The following OPCML variants were observed in gnomAD, a reference collection of about 807,000 sequenced individuals.
The protein encoded by OPCML is opioid binding protein/cell adhesion molecule like.
A neutral mutation model predicts 37.8 loss-of-function variants in OPCML; 13 were observed. The observed-to-expected ratio is 0.34, with a 90% CI of 0.22 to 0.55. The LOEUF (loss-of-function observed/expected upper bound fraction) is 0.55. Among genes scored for constraint, OPCML ranks in the 20% least tolerant of loss-of-function variants. OPCML has a pLI of 0.91. For missense variants in OPCML, 341 were observed against 435.6 expected (o/e 0.78, Z 1.93); for synonymous variants, 176 against 168.8 (o/e 1.04, Z -0.33).
chr11:132,785,854 C>T, intron 2 of OPCML, among the ~76,000 whole-genome samples: 1 of 152,276 alleles, frequency 6.6e-6, no homozygotes, highest in East Asian at 1.9e-4. Context: ...TTCCAGATAT[C>T]CAGGTGACCA....
chr11:133,203,860 C>T (rs1285705031), intron 1 of OPCML, among the ~76,000 whole-genome samples: 1 of 151,880 alleles, frequency 6.6e-6, no homozygotes, highest in Non-Finnish European at 1.5e-5. Context: ...AGATGGAGAC[C>T]ATCCTGGCTA....
chr11:132,745,605 A>G (rs996063429), intron 2 of OPCML, among the ~76,000 whole-genome samples: 1 of 147,256 alleles, frequency 6.8e-6, no homozygotes, highest in Admixed American at 6.8e-5. Context: ...AGAAAGAAAG[A>G]AAAAAAAAGG....
At chr11:133,087,432 C>T (rs1948833542) in intron 1 of OPCML, among the ~76,000 whole-genome samples, 1 of 152,016 alleles carries the variant, frequency 6.6e-6, no homozygotes. Flanking sequence ...TCAGCCTTTG[C>T]CCTTCCCTCC....
At chr11:133,117,686 G>A (rs1204415686) in intron 1 of OPCML, 15 of 650,748 alleles carry the variant, frequency 2.3e-5, no homozygotes, top group Non-Finnish European at 2.9e-5. Context: ...AGAGTGACCA[G>A]TTTGGTAATC....
chr11:132,651,135 A>G (rs1941409150), intron 3 of OPCML, among the ~76,000 whole-genome samples: 1 of 152,098 alleles, frequency 6.6e-6, no homozygotes, highest in African/African-American at 2.4e-5. Context: ...TTTCTGGAGC[A>G]CCTCTGAAGG....
chr11:133,379,602 C>T (rs890901377), intron 1 of OPCML, among the ~76,000 whole-genome samples: 1 of 152,194 alleles, frequency 6.6e-6, no homozygotes, highest in Non-Finnish European at 1.5e-5. Flanking sequence ...CAGCTTCTGG[C>T]CTCTTTCACT....
intron 2 of OPCML, among the ~76,000 whole-genome samples, chr11:132,664,410 T>G (rs974306231): frequency 6.6e-6 from 1 of 152,328 alleles, no homozygotes; most frequent in Non-Finnish European, 1.5e-5. Context: ...TTTCTCTGAA[T>G]TTACTTTTTT....
At chr11:133,126,272 A>G (rs1411891712) in intron 1 of OPCML, among the ~76,000 whole-genome samples, 3 of 152,042 alleles carry the variant, frequency 2.0e-5, no homozygotes, top group Non-Finnish European at 4.4e-5. Context: ...TCTCAGCTCA[A>G]ACAGAAGCAC....
intron 2 of OPCML, among the ~76,000 whole-genome samples, chr11:132,787,950 G>A (rs913876217): frequency 3.9e-5 from 6 of 152,216 alleles, no homozygotes; most frequent in Middle Eastern, 3.4e-3. Flanking sequence ...GTGCAATCTC[G>A]GCTCACTGCA....
intron 3 of OPCML, among the ~76,000 whole-genome samples, chr11:132,633,611 T>C (rs1480783024): frequency 6.6e-6 from 1 of 152,002 alleles, no homozygotes; most frequent in East Asian, 1.9e-4. Context: ...AGGACATCTG[T>C]TGGAAGGTCA....
intron 4 of OPCML, among the ~76,000 whole-genome samples, chr11:132,519,856 A>G (rs931381701): frequency 6.6e-6 from 1 of 152,188 alleles, no homozygotes; most frequent in Non-Finnish European, 1.5e-5. Flanking sequence ...GGAGAGAGAC[A>G]AAGAAGTAGT....
chr11:133,220,129 G>A (rs1367605054), intron 1 of OPCML, among the ~76,000 whole-genome samples: 1 of 152,154 alleles, frequency 6.6e-6, no homozygotes, highest in Non-Finnish European at 1.5e-5. Flanking sequence ...TGGGAAGTTG[G>A]ACACTGGCAG....
chr11:132,794,876 CA>C (rs1316992750), intron 2 of OPCML, among the ~76,000 whole-genome samples: 1 of 138,314 alleles, frequency 7.2e-6, no homozygotes, highest in Non-Finnish European at 1.6e-5. Flanking sequence ...ATCAACCTAA[CA>C]AAAACATGAA....
chr11:133,041,405 T>C (rs1947895017), intron 1 of OPCML, among the ~76,000 whole-genome samples: 1 of 152,168 alleles, frequency 6.6e-6, no homozygotes, highest in African/African-American at 2.4e-5. Context: ...TCTCAATGCA[T>C]TTGCCTCTCT....
chr11:132,465,513 T>C (rs1434990828), intron 4 of OPCML, among the ~76,000 whole-genome samples: 3 of 151,758 alleles, frequency 2.0e-5, no homozygotes, highest in Non-Finnish European at 4.4e-5. Flanking sequence ...TCCTGTTTAT[T>C]TAATCAATTT....
At chr11:133,077,936 G>A (rs1283713899) in intron 1 of OPCML, among the ~76,000 whole-genome samples, 1 of 152,162 alleles carries the variant, frequency 6.6e-6, no homozygotes, top group Non-Finnish European at 1.5e-5. Context: ...GCTGGATAAT[G>A]GCAAGAGTTG....
intron 1 of OPCML, among the ~76,000 whole-genome samples, chr11:133,085,186 C>T (rs1458559611): frequency 6.6e-6 from 1 of 152,218 alleles, no homozygotes; most frequent in Non-Finnish European, 1.5e-5. Context: ...CAACCCAGTG[C>T]ATTTCATGAG....
intron 3 of OPCML, among the ~76,000 whole-genome samples, chr11:132,636,297 G>A (rs1450851830): frequency 6.6e-6 from 1 of 152,152 alleles, no homozygotes; most frequent in African/African-American, 2.4e-5. Flanking sequence ...CAGAATTCAA[G>A]CAATTATCTG....
At chr11:133,065,099 G>A (rs1948419490) in intron 1 of OPCML, 1 of 152,220 alleles carries the variant, frequency 6.6e-6, no homozygotes, top group Non-Finnish European at 1.5e-5. Flanking sequence ...TCTGGTGCTT[G>A]AAGCCCCAGG....
Sources: allele counts gnomAD v4.1 joint callset (sites outside exome capture counted in the v4.1 genomes callset), GRCh38; gene constraint gnomAD v4.1.1; transcripts MANE v1.5; gene names NCBI Gene and HGNC (gene_info 2026-07-23, HGNC 2026-07-21).